Variants in ATRNL1 observed in about 807,000 individuals in gnomAD.
The protein encoded by ATRNL1 is attractin-like protein 1.
ATRNL1 carries 95 observed loss-of-function variants against 182.7 expected under a neutral mutation model. That is an observed-to-expected ratio of 0.52 (90% CI 0.44 to 0.62). The LOEUF (loss-of-function observed/expected upper bound fraction) is 0.62, where lower values mean the gene tolerates loss of function less well. Ranked by LOEUF, ATRNL1 falls within the 20% of genes least tolerant of loss-of-function variation. ATRNL1 has a pLI of 0.00. For missense variants in ATRNL1, 1,471 were observed against 1,679.5 expected (o/e 0.88, Z 2.17); for synonymous variants, 576 against 568.3 (o/e 1.01, Z -0.19).
At chr10:115,105,577 T>C (rs1433224050) in intron 1 of ATRNL1, among the ~76,000 whole-genome samples, 1 of 152,072 alleles carries the variant, frequency 6.6e-6, no homozygotes, top group Non-Finnish European at 1.5e-5. Flanking sequence ...CCTGGAGGCA[T>C]AGGAGGAAAA....
chr10:115,316,023 G>T (rs1854284341), intron 18 of ATRNL1, among the ~76,000 whole-genome samples: 1 of 152,038 alleles, frequency 6.6e-6, no homozygotes, highest in South Asian at 2.1e-4. Flanking sequence ...TGGGATACAT[G>T]TGCAGAACGT....
Position 115,727,266 on chromosome 10 carries a change from C to T in ATRNL1, c.3814C>T (p.Gln1272Ter). 6.2e-7 allele frequency: 1 copy of T among 1,613,950 alleles called. No individual in the cohort carries two copies. Among genetic ancestry groups the T allele is most frequent in the East Asian group, 2.2e-5 (1 of 44,868 alleles). Residue 1272 changes from glutamine (Q) to a stop codon, truncating the protein, a stop_gained, in exon 27 of 29, where the codon CAG (glutamine) becomes TAG (stop). Transcript: ENST00000355044. LOFTEE classifies it high-confidence loss of function. ...CCTCCAGCAACTGCTTCGAGAACGA[C>T]AGCAGATGGCCAGCCGTCCCTTTGC... is the stretch of plus-strand genomic sequence containing the variant. The part of the protein sequence containing the change: ...RRREQLLRER[Q>*]QMASRPFASV...
In ATRNL1 at chr10:115,093,713, C is replaced by T. The variant is rs2084935125; in HGVS notation, c.-38C>T. 3 of 1,414,980 alleles carry T rather than the reference C, an allele frequency of 2.1e-6. No individual in the cohort carries two copies. The highest frequency in any genetic ancestry group is 1.5e-5 in the African/African-American group (1 of 66,098). 87.7% of individuals were successfully genotyped at this position (1,414,980 alleles called of 1,614,324 possible). ...CTTCAACAGCATCCCTGTCGGCGCC[C>T]GCGAGCGCAGTCTCGCCGGGCAGGG... On this transcript the variant is annotated 5_prime_UTR_variant, in exon 1 of 29. Transcript: ENST00000355044. The surrounding 1 kb of genome is among the most constrained non-coding windows in gnomAD (Gnocchi z 6.1).
intron 27 of ATRNL1, among the ~76,000 whole-genome samples, chr10:115,797,568 C>A (rs1345953461): frequency 6.6e-6 from 1 of 150,532 alleles, no homozygotes; most frequent in Admixed American, 6.7e-5. Flanking sequence ...GTCCCTGCAT[C>A]ATGGAATGTA....
intron 26 of ATRNL1, among the ~76,000 whole-genome samples, chr10:115,622,170 C>A (rs1857809825): frequency 6.6e-6 from 1 of 152,128 alleles, no homozygotes; most frequent in African/African-American, 2.4e-5. Flanking sequence ...CAGGAGTGTG[C>A]AAGGGATTTG....
intron 26 of ATRNL1, among the ~76,000 whole-genome samples, chr10:115,656,852 C>G (rs1860366304): frequency 6.6e-6 from 1 of 152,096 alleles, no homozygotes; most frequent in Non-Finnish European, 1.5e-5. Context: ...TACTGTCACT[C>G]ACTGACTCAC....
chr10:115,846,695 A>G (rs1011295870), intron 27 of ATRNL1, among the ~76,000 whole-genome samples: 1 of 152,004 alleles, frequency 6.6e-6, no homozygotes, highest in Non-Finnish European at 1.5e-5. Context: ...CAAATTTCAT[A>G]TGTGGATTTG....
intron 26 of ATRNL1, among the ~76,000 whole-genome samples, chr10:115,671,475 T>C (rs1945695769): frequency 6.6e-6 from 1 of 152,154 alleles, no homozygotes; most frequent in Non-Finnish European, 1.5e-5. Flanking sequence ...GCTACACATT[T>C]TGATAGCATT....
At chr10:115,779,611 T>C (rs975619970) in intron 27 of ATRNL1, among the ~76,000 whole-genome samples, 8 of 152,216 alleles carry the variant, frequency 5.3e-5, no homozygotes, top group Non-Finnish European at 1.0e-4. Flanking sequence ...AGCTAAATAT[T>C]AGGAGGACTG....
intron 27 of ATRNL1, among the ~76,000 whole-genome samples, chr10:115,837,363 C>T (rs1950699160): frequency 6.6e-6 from 1 of 151,752 alleles, no homozygotes; most frequent in South Asian, 2.1e-4. Context: ...TACTAACATC[C>T]TTTCTCTCAT....
intron 27 of ATRNL1, among the ~76,000 whole-genome samples, chr10:115,831,955 A>G (rs1018707421): frequency 2.6e-5 from 4 of 152,174 alleles, no homozygotes; most frequent in Non-Finnish European, 4.4e-5. Flanking sequence ...TTCCCCGACA[A>G]ATAGTAATTT....
At chr10:115,137,151 C>T (rs1845551219) in intron 5 of ATRNL1, among the ~76,000 whole-genome samples, 1 of 152,084 alleles carries the variant, frequency 6.6e-6, no homozygotes, top group African/African-American at 2.4e-5. Context: ...AAGATCGCAC[C>T]ATTGCACTCC....
At chr10:115,877,692 A>T (rs1215999036) in intron 28 of ATRNL1, among the ~76,000 whole-genome samples, 1 of 152,242 alleles carries the variant, frequency 6.6e-6, no homozygotes, top group Non-Finnish European at 1.5e-5. Flanking sequence ...TAGTAAATAT[A>T]AACAGTAAGC....
Position 115,856,428 on chromosome 10 carries a change from CAAAAA to C in ATRNL1, c.4018+8455_4018+8459del, listed in dbSNP as rs572743389. 1.2e-3 allele frequency among the ~76,000 whole-genome samples: 27 copies of C among 22,536 alleles called. 2 individuals are homozygous for C. The highest frequency in any genetic ancestry group is 7.6e-3 in the South Asian group (2 of 264). The allele number at this position is 22,536 out of a possible 152,430, so 14.8% of individuals were successfully genotyped here. ...GGGCAACAAGAGCGAAGCTCCATCT[CAAAAA>C]AAAAAAAAAAAAAAAAAGCCATACA... On this transcript the variant is annotated intron_variant, in intron 28 of 28. Coordinates refer to ENST00000355044, the MANE Select transcript of ATRNL1 (RefSeq NM_207303.4).
chr10:115,879,024 A>G (rs1429369129), intron 28 of ATRNL1, among the ~76,000 whole-genome samples: 2 of 151,666 alleles, frequency 1.3e-5, no homozygotes, highest in African/African-American at 4.9e-5. Context: ...TAGTGTTAAA[A>G]AGGTTTATGT....
intron 27 of ATRNL1, among the ~76,000 whole-genome samples, chr10:115,809,802 T>C (rs1047749420): frequency 6.6e-6 from 1 of 152,002 alleles, no homozygotes; most frequent in African/African-American, 2.4e-5. Context: ...ACTTGCCTTG[T>C]TGCACTGGCT....
At chr10:115,380,058 C>A (rs1857909490) in intron 19 of ATRNL1, among the ~76,000 whole-genome samples, 1 of 152,088 alleles carries the variant, frequency 6.6e-6, no homozygotes, top group Non-Finnish European at 1.5e-5. Context: ...TCTCGATCTG[C>A]TGACTTTGTG....
intron 18 of ATRNL1, among the ~76,000 whole-genome samples, chr10:115,328,840 C>T (rs11197165): frequency 0.22 from 33,023 of 151,830 alleles, 4,592 homozygotes; most frequent in Non-Finnish European, 0.31. Flanking sequence ...TGTTTATTCA[C>T]ACTTTCTTTA....
intron 26 of ATRNL1, among the ~76,000 whole-genome samples, chr10:115,666,273 G>A (rs1054682182): frequency 6.6e-6 from 1 of 152,108 alleles, no homozygotes; most frequent in Non-Finnish European, 1.5e-5. Context: ...AATATTGGCT[G>A]TTATGATTAA....
Sources: gnomAD v4.1 joint callset for allele counts (sites outside exome capture counted in the v4.1 genomes callset) on GRCh38, gnomAD v4.1.1 for gene constraint, Gnocchi (gnomAD v3.1) non-coding constraint, MANE v1.5 for transcripts, NCBI Gene and HGNC (gene_info 2026-07-23, HGNC 2026-07-21) for gene names.